The following TRAPPC9 variants were observed in gnomAD, a reference collection of about 807,000 sequenced individuals.
The protein encoded by TRAPPC9 is IKK2 binding protein.
TRAPPC9 carries 83 observed loss-of-function variants against 124.0 expected under a neutral mutation model. The observed-to-expected ratio is 0.67, with a 90% CI of 0.56 to 0.80. The LOEUF is 0.80. Among genes scored for constraint, TRAPPC9 ranks in the 30% least tolerant of loss-of-function variants. The probability of loss-of-function intolerance (pLI) is 0.00; values close to 1 mark genes in which losing one functional copy is unlikely to be tolerated. For missense variants in TRAPPC9, 1,302 were observed against 1,508.3 expected (o/e 0.86, Z 2.27); for synonymous variants, 638 against 617.5 (o/e 1.03, Z -0.49).
intron 17 of TRAPPC9, among the ~76,000 whole-genome samples, chr8:140,058,663 G>A (rs1842420640): frequency 6.6e-6 from 1 of 152,230 alleles, no homozygotes; most frequent in African/African-American, 2.4e-5. Flanking sequence ...ACTAAGAACA[G>A]CCGGGAGAAC....
At chr8:140,026,213 T>C (rs563446912) in intron 17 of TRAPPC9, among the ~76,000 whole-genome samples, 3 of 152,302 alleles carry the variant, frequency 2.0e-5, no homozygotes, top group African/African-American at 7.2e-5. Context: ...TTCCATTACA[T>C]GTATGTACTG....
intron 14 of TRAPPC9, among the ~76,000 whole-genome samples, chr8:140,279,682 G>A (rs1029997134): frequency 1.2e-4 from 18 of 152,052 alleles, no homozygotes; most frequent in African/African-American, 3.9e-4. Flanking sequence ...GAGCATGCAC[G>A]CACCCCCGTC....
intron 7 of TRAPPC9, among the ~76,000 whole-genome samples, chr8:140,395,812 G>T (rs549725346): frequency 6.6e-6 from 1 of 151,506 alleles, no homozygotes; most frequent in Admixed American, 6.6e-5. Flanking sequence ...CACCTCTCTC[G>T]TTATGTGAGA....
At chr8:140,282,858 G>A (rs2065365856) in intron 14 of TRAPPC9, among the ~76,000 whole-genome samples, 1 of 152,146 alleles carries the variant, frequency 6.6e-6, no homozygotes, top group Non-Finnish European at 1.5e-5. Context: ...ATTGCTTCTG[G>A]GACTCCTGAG....
chr8:140,150,815 C>A (rs569420847), intron 17 of TRAPPC9, among the ~76,000 whole-genome samples: 1 of 110,534 alleles, frequency 9.0e-6, no homozygotes, highest in Non-Finnish European at 1.9e-5. Context: ...CCTCCAGGCT[C>A]GGCCACCCCT....
intron 21 of TRAPPC9, among the ~76,000 whole-genome samples, chr8:139,823,226 G>A (rs1825375352): frequency 6.6e-6 from 1 of 152,154 alleles, no homozygotes; most frequent in South Asian, 2.1e-4. Flanking sequence ...CGAGGTGGGA[G>A]GAGCTTTGAT....
intron 19 of TRAPPC9, among the ~76,000 whole-genome samples, chr8:139,975,758 T>C (rs1296633015): frequency 6.6e-6 from 1 of 152,058 alleles, no homozygotes; most frequent in Non-Finnish European, 1.5e-5. Context: ...CAAGCTGCCC[T>C]GGCTGTGCCA....
At chr8:140,282,026 G>A (rs1011132290) in intron 14 of TRAPPC9, among the ~76,000 whole-genome samples, 2 of 152,284 alleles carry the variant, frequency 1.3e-5, no homozygotes, top group South Asian at 2.1e-4. Context: ...AGAACTTCCC[G>A]TGAGGACAGA....
chr8:140,052,810 G>C (rs1409813162), intron 17 of TRAPPC9, among the ~76,000 whole-genome samples: 1 of 151,664 alleles, frequency 6.6e-6, no homozygotes, highest in African/African-American at 2.4e-5. Flanking sequence ...AGTCAGGCAT[G>C]GTGGCATACA....
intron 19 of TRAPPC9, among the ~76,000 whole-genome samples, chr8:139,926,014 C>A (rs765950899): frequency 2.6e-5 from 4 of 152,200 alleles, no homozygotes; most frequent in Non-Finnish European, 5.9e-5. Context: ...CTCCCAGGAG[C>A]CAACTGTTAG....
chr8:140,128,248 G>A (rs1238936978), intron 17 of TRAPPC9, among the ~76,000 whole-genome samples: 1 of 152,154 alleles, frequency 6.6e-6, no homozygotes, highest in East Asian at 1.9e-4. Flanking sequence ...GACAGCCCAA[G>A]TGTGGTTTCA....
chr8:140,200,848 T>C (rs1475646796), intron 17 of TRAPPC9, among the ~76,000 whole-genome samples: 1 of 152,232 alleles, frequency 6.6e-6, no homozygotes, highest in Non-Finnish European at 1.5e-5. Flanking sequence ...TGGTTTCTTA[T>C]TGTGTGGCAA....
intron 14 of TRAPPC9, among the ~76,000 whole-genome samples, chr8:140,278,608 T>C (rs1326535589): frequency 3.3e-5 from 5 of 152,230 alleles, no homozygotes; most frequent in Non-Finnish European, 7.3e-5. Context: ...TGCCTCCTGC[T>C]GAGCCTCACC....
chr8:139,820,888 A>T (rs185312175), intron 21 of TRAPPC9, among the ~76,000 whole-genome samples: 155 of 152,376 alleles, frequency 1.0e-3, no homozygotes, highest in African/African-American at 3.6e-3. Context: ...TGAATTCCAG[A>T]TGTTTTAAAT....
chr8:140,136,367 C>A (rs1232448317), intron 17 of TRAPPC9, among the ~76,000 whole-genome samples: 1 of 152,154 alleles, frequency 6.6e-6, no homozygotes, highest in African/African-American at 2.4e-5. Flanking sequence ...CTGGCAGGCA[C>A]AAGCAGGACA....
intron 17 of TRAPPC9, among the ~76,000 whole-genome samples, chr8:140,036,367 A>G (rs1165983135): frequency 1.3e-5 from 2 of 152,116 alleles, no homozygotes; most frequent in East Asian, 1.9e-4. Flanking sequence ...TGGAGTGAAC[A>G]TTGACGGTCA....
intron 9 of TRAPPC9, among the ~76,000 whole-genome samples, chr8:140,356,406 C>T (rs2067746263): frequency 6.6e-6 from 1 of 152,146 alleles, no homozygotes. Flanking sequence ...ATCAGCCTGA[C>T]ACAGAAGAGT....
At chr8:140,262,194 G>A (rs1428273980) in intron 15 of TRAPPC9, among the ~76,000 whole-genome samples, 3 of 149,704 alleles carry the variant, frequency 2.0e-5, no homozygotes, top group South Asian at 2.1e-4. Context: ...AAATCATGCT[G>A]TAGTTCTATT....
intron 17 of TRAPPC9, among the ~76,000 whole-genome samples, chr8:140,149,557 T>C (rs1353470712): frequency 6.7e-6 from 1 of 149,234 alleles, no homozygotes; most frequent in African/African-American, 2.5e-5. Context: ...GAGGCGGAGG[T>C]AGTGGTGAGC....
Sources: allele counts gnomAD v4.1 joint callset (sites outside exome capture counted in the v4.1 genomes callset), GRCh38; gene constraint gnomAD v4.1.1; transcripts MANE v1.5; gene names NCBI Gene and HGNC (gene_info 2026-07-23, HGNC 2026-07-21).